RBPJ: variants seen among roughly 807,000 people sequenced by gnomAD.
The protein encoded by RBPJ is recombining binding protein suppressor of hairless.
RBPJ carries 9 observed loss-of-function variants against 67.8 expected under a neutral mutation model. The observed-to-expected ratio is 0.13, with a 90% CI of 0.08 to 0.23. The LOEUF is 0.23. Ranked by LOEUF, RBPJ falls within the 10% of genes least tolerant of loss-of-function variation. RBPJ has a pLI of 1.00. For synonymous variants in RBPJ, 198 were observed against 203.3 expected, an observed-to-expected ratio of 0.97 and a Z score of 0.22; for missense variants, 305 against 595.6, an observed-to-expected ratio of 0.51 and a Z score of 5.08.
chr4:26,235,053 A>T (rs760627623), intron 1 of RBPJ, among the ~76,000 whole-genome samples: 4 of 152,148 alleles, frequency 2.6e-5, no homozygotes, highest in Non-Finnish European at 5.9e-5. Context: ...TCATAACAAC[A>T]GGGGAATTGT....
At chr4:26,252,085 T>G (rs920338131) in intron 1 of RBPJ, among the ~76,000 whole-genome samples, 2 of 151,996 alleles carry the variant, frequency 1.3e-5, no homozygotes, top group African/African-American at 4.8e-5. Context: ...AACTAGTTTT[T>G]TTTTTTTAAT....
intron 1 of RBPJ, among the ~76,000 whole-genome samples, chr4:26,218,664 G>A (rs1006034806): frequency 6.6e-6 from 1 of 152,074 alleles, no homozygotes; most frequent in Non-Finnish European, 1.5e-5. Context: ...CTTTTCTCCT[G>A]CCATACCCCC....
At chr4:26,136,077 T>C in the RBPJ span, among the ~76,000 whole-genome samples, 9 of 152,180 alleles carry the variant, frequency 5.9e-5, no homozygotes, top group Non-Finnish European at 1.0e-4. Context: ...AGAACTCCCA[T>C]TTTTAAAGCC....
chr4:26,298,749 T>C (rs1173441792), intron 1 of RBPJ, among the ~76,000 whole-genome samples: 1 of 152,182 alleles, frequency 6.6e-6, no homozygotes, highest in Non-Finnish European at 1.5e-5. Context: ...CAGGGCGGGT[T>C]GTTGGGGGGA....
chr4:26,301,598 A>C (rs1722081503), intron 1 of RBPJ, among the ~76,000 whole-genome samples: 1 of 151,680 alleles, frequency 6.6e-6, no homozygotes, highest in Non-Finnish European at 1.5e-5. Flanking sequence ...TCTCAAAAAA[A>C]AAAAAAGAAA....
chr4:26,204,306 C>CA (rs34671870), intron 1 of RBPJ, among the ~76,000 whole-genome samples: 1 of 152,044 alleles, frequency 6.6e-6, no homozygotes, highest in East Asian at 1.9e-4. Context: ...TTTTTGCACT[C>CA]AAAAAATGCT....
intron 1 of RBPJ, among the ~76,000 whole-genome samples, chr4:26,289,662 C>T (rs1166331995): frequency 2.0e-5 from 3 of 150,514 alleles, no homozygotes; most frequent in Non-Finnish European, 3.0e-5. Flanking sequence ...TTCAATCACA[C>T]GCTTGCAAAA....
intron 1 of RBPJ, among the ~76,000 whole-genome samples, chr4:26,171,103 G>T (rs971285894): frequency 2.0e-5 from 3 of 152,178 alleles, no homozygotes; most frequent in African/African-American, 7.2e-5. Flanking sequence ...CTTCCATTTA[G>T]TAATGAGATA....
At chr4:26,238,068 T>C (rs1460545672) in intron 1 of RBPJ, among the ~76,000 whole-genome samples, 14 of 152,120 alleles carry the variant, frequency 9.2e-5, no homozygotes, top group Admixed American at 9.2e-4. Flanking sequence ...GTTTGTTTCA[T>C]TTGTTTGTTT....
chr4:26,231,700 C>A (rs1560220897), intron 1 of RBPJ, among the ~76,000 whole-genome samples: 2 of 151,902 alleles, frequency 1.3e-5, no homozygotes, highest in Admixed American at 1.3e-4. Context: ...GCATGAGCCA[C>A]GGCGCCCAGC....
intron 1 of RBPJ, among the ~76,000 whole-genome samples, chr4:26,366,258 T>C (rs1004807139): frequency 2.0e-5 from 3 of 152,046 alleles, no homozygotes; most frequent in Non-Finnish European, 4.4e-5. Context: ...AAGACAAATA[T>C]TACCAGATCA....
intron 1 of RBPJ, among the ~76,000 whole-genome samples, chr4:26,269,999 G>T (rs1720824666): frequency 6.6e-6 from 1 of 151,816 alleles, no homozygotes; most frequent in Non-Finnish European, 1.5e-5. Flanking sequence ...TGCTGGTATG[G>T]GGCCAGGCAC....
chr4:26,322,266 T>A (rs1723168551), intron 1 of RBPJ: 1 of 152,192 alleles, frequency 6.6e-6, no homozygotes. Context: ...GAGAATAGTT[T>A]CAGATAGCCA....
intron 1 of RBPJ, among the ~76,000 whole-genome samples, chr4:26,382,028 C>CA: frequency 6.6e-6 from 1 of 152,226 alleles, no homozygotes; most frequent in East Asian, 1.9e-4. Flanking sequence ...CCCCTAGACA[C>CA]ATAAGGATTG....
intron 1 of RBPJ, chr4:26,272,495 C>A (rs1434045772): frequency 3.2e-6 from 1 of 310,304 alleles, no homozygotes; most frequent in East Asian, 8.3e-5. Context: ...CACTTGAGAC[C>A]AGAAGTTCAA....
intron 1 of RBPJ, among the ~76,000 whole-genome samples, chr4:26,379,783 C>T (rs1327228707): frequency 6.6e-6 from 1 of 152,148 alleles, no homozygotes; most frequent in East Asian, 1.9e-4. Context: ...CTTTATTGCC[C>T]AAGGCTGGTC....
At chr4:26,171,481 T>C (rs531815859) in intron 1 of RBPJ, among the ~76,000 whole-genome samples, 2 of 152,156 alleles carry the variant, frequency 1.3e-5, no homozygotes, top group South Asian at 2.1e-4. Context: ...GACAGGAGAA[T>C]CTTTTGAGCC....
chr4:26,428,928 T>C (rs547416045), intron 8 of RBPJ, 68 bp downstream of exon 8: 8 of 1,258,898 alleles, frequency 6.4e-6, no homozygotes, highest in South Asian at 1.3e-5. Context: ...TGCAAAAATA[T>C]GAAATTTTCA....
At chr4:26,141,396 G>T in the RBPJ span, among the ~76,000 whole-genome samples, 2 of 152,156 alleles carry the variant, frequency 1.3e-5, no homozygotes, top group Non-Finnish European at 2.9e-5. Context: ...AGCTCTAAGT[G>T]CAGGACCCAG....
Sources: allele counts gnomAD v4.1 joint callset (sites outside exome capture counted in the v4.1 genomes callset), GRCh38; gene constraint gnomAD v4.1.1; transcripts MANE v1.5; gene names NCBI Gene and HGNC (gene_info 2026-07-23, HGNC 2026-07-21).